Variants in HACD4 observed in about 807,000 individuals in gnomAD.
HACD4 encodes very-long-chain (3R)-3-hydroxyacyl-CoA dehydratase 4.
HACD4 carries 35 observed loss-of-function variants against 33.3 expected under a neutral mutation model. That is an observed-to-expected ratio of 1.05 (90% CI 0.80 to 1.39). HACD4 has a LOEUF of 1.39. Ranked by LOEUF, HACD4 falls within the 40% of genes most tolerant of loss-of-function variation. HACD4 has a pLI of 0.00. For missense variants in HACD4, 323 were observed against 276.5 expected, an observed-to-expected ratio of 1.17 and a Z score of -1.19; for synonymous variants, 118 against 98.0, an observed-to-expected ratio of 1.20 and a Z score of -1.21.
chr9:21,029,494 G>A lies in HACD4; in HGVS notation c.39-96C>T, dbSNP rs139651010. Reference sequence around the variant, plus strand: ...TTAATGTACTGGCCAACCTGAGAAAGCAAAAGAAAACTGTTTCATATCAGT... The same window carrying A: ...TTAATGTACTGGCCAACCTGAGAAAACAAAAGAAAACTGTTTCATATCAGT... On this transcript the variant is annotated intron_variant, in intron 1 of 6. Transcript: ENST00000495827. 1,582 of 692,262 alleles carry A rather than the reference G, an allele frequency of 2.3e-3. 15 individuals carry two copies. In the African/African-American group the frequency reaches 0.026, roughly 11 times the overall value. The allele number at this position is 692,262 out of a possible 1,614,324, so 42.9% of individuals were successfully genotyped here.
At chr9:21,031,416 G>C (rs1264552209) in intron 1 of HACD4, 137 bp downstream of exon 1, 1 of 1,312,244 alleles carries the variant, frequency 7.6e-7, no homozygotes. Flanking sequence ...GAGCTCCAAG[G>C]GGTGCCTGGG....
chr9:21,026,807 T>A (rs1298124584), intron 2 of HACD4, 84 bp from the exon 3 acceptor site: 2 of 1,069,912 alleles, frequency 1.9e-6, no homozygotes, highest in African/African-American at 3.1e-5. Flanking sequence ...TGAAGTCAAA[T>A]GGAGATTATT....
chr9:21,007,770 C>T (rs1240272424), intron 6 of HACD4, among the ~76,000 whole-genome samples: 4 of 152,130 alleles, frequency 2.6e-5, no homozygotes, highest in East Asian at 1.9e-4. Context: ...ATATCTCATA[C>T]ATAATGCAGC....
In HACD4 at chr9:21,002,847, A is replaced by G. The variant is rs1842188201; in HGVS notation, c.*4190T>C. 6.6e-6 allele frequency: 1 copy of G among 152,172 alleles called. No homozygotes were observed. Among genetic ancestry groups the G allele is most frequent in the South Asian group, 2.1e-4 (1 of 4,836 alleles). The allele number at this position is 152,172 out of a possible 1,614,324, so 9.4% of individuals were successfully genotyped here. On this transcript the variant is annotated 3_prime_UTR_variant, in exon 7 of 7. Transcript: ENST00000495827. Reference sequence around the variant, plus strand: ...CTTTGTCTACACTGTACAAAATGAAATAGGGATTTGGTGAACATACAGTTA... The same window carrying G: ...CTTTGTCTACACTGTACAAAATGAAGTAGGGATTTGGTGAACATACAGTTA...
At position 21,006,901 on chromosome 9, in the gene HACD4, G is replaced by C; in HGVS notation, c.*136C>G. The stretch of plus-strand genomic sequence containing the variant: ...TAGCCTGTTATGTCTAGAGTTTTGG[G>C]GGTATGTGCAGTTATTTCATGTAAT... On this transcript the variant is annotated 3_prime_UTR_variant, in exon 7 of 7. Transcript: ENST00000495827. This position sits in a 1 kb window ranked among gnomAD's most constrained non-coding sequence, Gnocchi z 4.6. The C allele has an allele frequency of 1.5e-6, 1 of 683,488 alleles. No individual in the cohort carries two copies. Among genetic ancestry groups the C allele is most frequent in the East Asian group, 2.6e-5 (1 of 37,814 alleles). 42.3% of individuals were successfully genotyped at this position (683,488 alleles called of 1,614,324 possible).
chr9:21,030,035 C>G (rs1818168471), intron 1 of HACD4, among the ~76,000 whole-genome samples: 1 of 152,064 alleles, frequency 6.6e-6, no homozygotes, highest in South Asian at 2.1e-4. Context: ...TTGCTTAAAA[C>G]CAAATATAGT....
chr9:21,030,741 G>A (rs908030411), intron 1 of HACD4, among the ~76,000 whole-genome samples: 2 of 152,180 alleles, frequency 1.3e-5, no homozygotes, highest in Non-Finnish European at 2.9e-5. Context: ...GATACATATC[G>A]AAAGCAGTTT....
chr9:21,031,559 T>G lies in HACD4; in HGVS notation c.32A>C (p.Gln11Pro), dbSNP rs991854436. 7 of 1,457,872 alleles carry G rather than the reference T, an allele frequency of 4.8e-6. No individual in the cohort carries two copies. The Admixed American group carries it at 1.8e-4, about 37-fold the overall frequency. 90.3% of individuals were successfully genotyped at this position (1,457,872 alleles called of 1,614,324 possible). Residue 11 changes from glutamine to proline, a missense_variant, in exon 1 of 7, where the codon CAG (glutamine) becomes CCG (proline). Gln to Pro is a moderately conservative substitution (Grantham distance 76, BLOSUM62 -1). Transcript: ENST00000495827. The part of the protein sequence containing the change: MGPLALPAWL[Q>P]PRYRKNAYLF... Reference sequence around the variant, plus strand: ...ATTCGGCCGAGCGCCCTACCTGGGCTGCAGCCAGGCGGGCAGCGCCAAGGG... The same window carrying G: ...ATTCGGCCGAGCGCCCTACCTGGGCGGCAGCCAGGCGGGCAGCGCCAAGGG...
At position 21,006,204 on chromosome 9, in the gene HACD4, A is replaced by G. The variant is rs557549923; in HGVS notation, c.*833T>C. On this transcript the variant is annotated 3_prime_UTR_variant, in exon 7 of 7. Transcript: ENST00000495827. This position sits in a 1 kb window ranked among gnomAD's most constrained non-coding sequence, Gnocchi z 4.6. ...GTGTTAAGCCCTAACCTCCAATATG[A>G]TGGTATTTGGAGGTGGGGCCATTGG... The G allele has an allele frequency of 3.3e-5, 5 of 152,208 alleles. No homozygotes were observed. Among genetic ancestry groups the G allele is most frequent in the African/African-American group, 9.6e-5 (4 of 41,532 alleles). 9.4% of individuals were successfully genotyped at this position (152,208 alleles called of 1,614,324 possible). A position where few individuals can be genotyped will look rare whatever the true frequency, so the allele number is the denominator to read the frequency against.
intron 5 of HACD4, 118 bp from the exon 6 acceptor site, chr9:21,008,264 T>C: frequency 1.1e-6 from 1 of 902,706 alleles, no homozygotes; most frequent in Admixed American, 3.0e-5. Context: ...TTTGTAATAG[T>C]TGCTGAATCT....
intron 4 of HACD4, 31 bp downstream of exon 4, chr9:21,015,867 C>T (rs1423731640): frequency 1.4e-6 from 2 of 1,441,440 alleles, no homozygotes; most frequent in Non-Finnish European, 2.0e-6. Flanking sequence ...GCAATTTAGC[C>T]TTGTTTTAAG....
rs149992762 is a variant in HACD4 at position 21,021,480 on chromosome 9, C to G, written c.270+5116G>C. On this transcript the variant is annotated intron_variant, in intron 3 of 6. Coordinates refer to ENST00000495827, the MANE Select transcript of HACD4 (RefSeq NM_001010915.5). ...GACATGATTGTATATTTAGAAAACCCCATCGTCTCAGCCCAAAATCTCCTT... is the reference window on the plus strand; with the variant it reads ...GACATGATTGTATATTTAGAAAACCGCATCGTCTCAGCCCAAAATCTCCTT... Among the ~76,000 whole-genome samples the G allele has an allele frequency of 5.2e-3, 786 of 152,238 alleles. 7 individuals are homozygous for G. The highest frequency in any genetic ancestry group is 0.017 in the African/African-American group (725 of 41,524).
intron 3 of HACD4, among the ~76,000 whole-genome samples, chr9:21,019,964 T>A (rs551905433): frequency 6.6e-6 from 1 of 152,060 alleles, no homozygotes; most frequent in African/African-American, 2.4e-5. Flanking sequence ...AAAAAGGAAT[T>A]CCTTTGGGAA....
At chr9:21,007,198 C>A in intron 6 of HACD4, 79 bp from the exon 7 acceptor site, 1 of 791,958 alleles carries the variant, frequency 1.3e-6, no homozygotes, top group South Asian at 1.4e-5. Context: ...AAAATACAGT[C>A]AGAGTGCTGC....
intron 2 of HACD4, among the ~76,000 whole-genome samples, chr9:21,028,196 T>A (rs1818115378): frequency 6.6e-6 from 1 of 150,954 alleles, no homozygotes; most frequent in Non-Finnish European, 1.5e-5. Context: ...AAAGAAATAC[T>A]TGATGACTAA....
Position 21,001,599 on chromosome 9 carries a change from G to A in HACD4, c.*5438C>T, listed in dbSNP as rs1842166718. 1 of 152,062 alleles carries A rather than the reference G, an allele frequency of 6.6e-6. No individual in the cohort carries two copies. Among genetic ancestry groups the A allele is most frequent in the African/African-American group, 2.4e-5 (1 of 41,420 alleles). The allele number at this position is 152,062 out of a possible 1,614,324, so 9.4% of individuals were successfully genotyped here. A position where few individuals can be genotyped will look rare whatever the true frequency, so the allele number is the denominator to read the frequency against. On this transcript the variant is annotated 3_prime_UTR_variant, in exon 7 of 7. Coordinates refer to ENST00000495827, the MANE Select transcript of HACD4 (RefSeq NM_001010915.5). The stretch of plus-strand genomic sequence containing the variant: ...ACACAACTATCAAAAGCCAAAGACA[G>A]AAAGAGAATCTTGAAAGTAGCATGA...
At chr9:21,008,729 A>G (rs1842335814) in intron 5 of HACD4, among the ~76,000 whole-genome samples, 1 of 152,122 alleles carries the variant, frequency 6.6e-6, no homozygotes. Context: ...AAAAAAGATT[A>G]AAGTTCAGTA....
intron 3 of HACD4, among the ~76,000 whole-genome samples, chr9:21,022,576 C>T (rs1165465819): frequency 1.3e-5 from 2 of 152,152 alleles, no homozygotes; most frequent in East Asian, 1.9e-4. Flanking sequence ...ACAGATACTT[C>T]TCAAAAGAAC....
intron 3 of HACD4, among the ~76,000 whole-genome samples, chr9:21,019,844 CTA>C (rs1386379897): frequency 6.3e-5 from 9 of 142,678 alleles, no homozygotes; most frequent in South Asian, 2.4e-4. Flanking sequence ...TGAGAAAAAT[CTA>C]TGTGATTTTA....
Sources: gnomAD v4.1 joint callset for allele counts (sites outside exome capture counted in the v4.1 genomes callset) on GRCh38, gnomAD v4.1.1 for gene constraint, Gnocchi (gnomAD v3.1) non-coding constraint, MANE v1.5 for transcripts, NCBI Gene and HGNC (gene_info 2026-07-23, HGNC 2026-07-21) for gene names.